The following EYA4 variants were observed in gnomAD, a reference collection of about 807,000 sequenced individuals.
EYA4 encodes the protein protein phosphatase EYA4.
Under a neutral mutation model 87.9 loss-of-function variants are expected in EYA4, and 31 were observed. The observed-to-expected ratio is 0.35, with a 90% confidence interval of 0.27 to 0.48. EYA4 has a LOEUF of 0.48. Among genes scored for constraint, EYA4 ranks in the 20% least tolerant of loss-of-function variants. The probability of loss-of-function intolerance (pLI) is 0.99; values close to 1 mark genes in which losing one functional copy is unlikely to be tolerated. For synonymous variants in EYA4, 263 were observed against 270.6 expected, an observed-to-expected ratio of 0.97 and a Z score of 0.28; for missense variants, 678 against 761.4, an observed-to-expected ratio of 0.89 and a Z score of 1.29.
rs761457292 is a variant in EYA4 at position 133,468,705 on chromosome 6, C to T, written c.944C>T (p.Ser315Phe). The T allele has an allele frequency of 1.2e-6, 2 of 1,613,082 alleles. No individual in the cohort carries two copies. Among genetic ancestry groups the T allele is most frequent in the Non-Finnish European group, 1.7e-6 (2 of 1,179,282 alleles). Residue 315 changes from serine to phenylalanine, a missense_variant, in exon 11 of 20, where the codon TCT (serine) becomes TTT (phenylalanine). Physicochemically the swap from Ser to Phe is radical, Grantham distance 155. Coordinates refer to ENST00000355286, the MANE Select transcript of EYA4 (RefSeq NM_004100.5). ...ACCTCTACTTATCAGTTGCAGGAAT[C>T]TCTCCCAGGACTGACTAACCAACCA... ...SSTSTYQLQE[S>F]LPGLTNQPGE...
chr6:133,420,199 A>G (rs1790096456), intron 3 of EYA4, among the ~76,000 whole-genome samples: 1 of 151,032 alleles, frequency 6.6e-6, no homozygotes, highest in Admixed American at 6.6e-5. Flanking sequence ...TTAATAGTGA[A>G]TATGCATTCA....
chr6:133,356,266 C>T (rs1430351658), intron 2 of EYA4, among the ~76,000 whole-genome samples: 3 of 152,038 alleles, frequency 2.0e-5, no homozygotes, highest in Admixed American at 2.0e-4. Context: ...GACATTCAGC[C>T]CATAACGAAC....
At chr6:133,254,742 G>T (rs138359125) in intron 1 of EYA4, among the ~76,000 whole-genome samples, 305 of 152,242 alleles carry the variant, frequency 2.0e-3, no homozygotes, top group African/African-American at 6.9e-3. Context: ...ATCAGCGTCA[G>T]ATGATCAGAT....
At chr6:133,381,963 A>C (rs1378681223) in intron 2 of EYA4, among the ~76,000 whole-genome samples, 1 of 152,230 alleles carries the variant, frequency 6.6e-6, no homozygotes, top group Non-Finnish European at 1.5e-5. Flanking sequence ...AATGAAAATT[A>C]GTGTATGAAC....
Position 133,468,664 on chromosome 6 carries a change from T to C in EYA4, c.903T>C (p.Asp301=). The change falls in exon 11 of 20, where the codon GAT becomes GAC. Residue 301 remains aspartate, a synonymous_variant. Coordinates refer to ENST00000355286, the MANE Select transcript of EYA4 (RefSeq NM_004100.5). The part of the protein sequence containing the change: ...GAYMTSNNTA[D]GTPSSTSTYQ... ...ATATGACATCGAATAACACAGCCGA[T>C]GGCACACCCTCTTCAACCTCTACTT... 1 of 1,613,126 alleles carries C rather than the reference T, an allele frequency of 6.2e-7. No homozygotes were observed. Among genetic ancestry groups the C allele is most frequent in the Non-Finnish European group, 8.5e-7 (1 of 1,179,316 alleles).
chr6:133,320,791 G>C (rs1781028898), intron 2 of EYA4, among the ~76,000 whole-genome samples: 1 of 152,016 alleles, frequency 6.6e-6, no homozygotes, highest in Non-Finnish European at 1.5e-5. Flanking sequence ...TTGATTTTCG[G>C]GGTTATTTCA....
chr6:133,319,916 G>A (rs1385921132), intron 2 of EYA4, among the ~76,000 whole-genome samples: 1 of 151,496 alleles, frequency 6.6e-6, no homozygotes, highest in Non-Finnish European at 1.5e-5. Context: ...ACAGAGTTTT[G>A]TAGCCCAGCT....
intron 1 of EYA4, among the ~76,000 whole-genome samples, chr6:133,257,916 T>C (rs185049654): frequency 6.6e-6 from 1 of 152,346 alleles, no homozygotes; most frequent in Admixed American, 6.5e-5. Context: ...CACTCATTCA[T>C]GCATTTTAAA....
At chr6:133,401,326 T>C (rs1434170099) in intron 3 of EYA4, among the ~76,000 whole-genome samples, 1 of 152,138 alleles carries the variant, frequency 6.6e-6, no homozygotes, top group Non-Finnish European at 1.5e-5. Flanking sequence ...AGAGCTGGTG[T>C]TCAACACGTC....
intron 2 of EYA4, among the ~76,000 whole-genome samples, chr6:133,370,138 GA>G (rs1317262726): frequency 6.6e-6 from 1 of 152,160 alleles, no homozygotes; most frequent in African/African-American, 2.4e-5. Context: ...AAACCTCTCA[GA>G]GCATTCTGTA....
chr6:133,250,340 G>A (rs1031026348), intron 1 of EYA4, among the ~76,000 whole-genome samples: 9 of 152,060 alleles, frequency 5.9e-5, no homozygotes, highest in Non-Finnish European at 4.4e-5. Context: ...AGCACAGTGA[G>A]TAAGTAGAAA....
At position 133,329,691 on chromosome 6, in the gene EYA4, G is replaced by A. The variant is rs539831335; in HGVS notation, c.34-52701G>A. On this transcript the variant is annotated intron_variant, in intron 2 of 19. Coordinates refer to ENST00000355286, the MANE Select transcript of EYA4 (RefSeq NM_004100.5). ...TCATACCAATAAAATGAAATATAAT[G>A]GTGCTTGGTGTTTCTCAAAAGGCCT... Among the ~76,000 whole-genome samples, 330 of 152,160 alleles carry A rather than the reference G, an allele frequency of 2.2e-3. 1 individual carries two copies. The highest frequency in any genetic ancestry group is 7.0e-3 in the African/African-American group (291 of 41,556).
At chr6:133,456,888 T>C (rs1327427304) in intron 6 of EYA4, among the ~76,000 whole-genome samples, 1 of 152,240 alleles carries the variant, frequency 6.6e-6, no homozygotes, top group Non-Finnish European at 1.5e-5. Context: ...TTTCTTATTA[T>C]GGATAAGTAA....
chr6:133,466,733 A>T (rs546348191), intron 10 of EYA4, among the ~76,000 whole-genome samples: 1 of 151,844 alleles, frequency 6.6e-6, no homozygotes, highest in Non-Finnish European at 1.5e-5. Flanking sequence ...AGAGTGTACC[A>T]AATCCCCAAT....
At chr6:133,304,016 A>G (rs1167555400) in intron 2 of EYA4, among the ~76,000 whole-genome samples, 1 of 152,194 alleles carries the variant, frequency 6.6e-6, no homozygotes. Context: ...AGTGCTTCAC[A>G]TGCAGAAGGT....
At chr6:133,280,691 G>A (rs776004017) in intron 2 of EYA4, among the ~76,000 whole-genome samples, 8 of 152,044 alleles carry the variant, frequency 5.3e-5, no homozygotes, top group Non-Finnish European at 8.8e-5. Flanking sequence ...CACCGCGCCC[G>A]GCCAATAGTA....
rs1170264132 is a variant in EYA4 at position 133,523,193 on chromosome 6, T to C, written c.1738+16T>C. ...ACTAAAATAGGTAAGGAAATTATTT[T>C]AAACTCTGTATGGAATGTGTCCACA... On this transcript the variant is annotated intron_variant, in intron 18 of 19. Transcript: ENST00000355286. 1 of 1,610,314 alleles carries C rather than the reference T, an allele frequency of 6.2e-7. No individual in the cohort carries two copies. The highest frequency in any genetic ancestry group is 8.5e-7 in the Non-Finnish European group (1 of 1,177,256).
rs1032386848 is a variant in EYA4 at position 133,530,379 on chromosome 6, G to A, written c.*1574G>A. The A allele has an allele frequency of 3.0e-6, 3 of 985,264 alleles. No individual in the cohort carries two copies. Among genetic ancestry groups the A allele is most frequent in the Admixed American group, 6.2e-5 (1 of 16,260 alleles). 61.0% of individuals were successfully genotyped at this position (985,264 alleles called of 1,614,324 possible). On this transcript the variant is annotated 3_prime_UTR_variant, in exon 20 of 20. Coordinates refer to ENST00000355286, the MANE Select transcript of EYA4 (RefSeq NM_004100.5). ...TAGCCCATGTTGGGAACACGATACAGGTTCTCCTCTTATTTCCTATGACAC... is the reference window on the plus strand; with the variant it reads ...TAGCCCATGTTGGGAACACGATACAAGTTCTCCTCTTATTTCCTATGACAC...
At chr6:133,322,281 A>G (rs1323324606) in intron 2 of EYA4, among the ~76,000 whole-genome samples, 1 of 152,234 alleles carries the variant, frequency 6.6e-6, no homozygotes, top group African/African-American at 2.4e-5. Flanking sequence ...AGCCAGAGCT[A>G]TTATAGGAAT....
Sources: gnomAD v4.1 joint callset for allele counts (sites outside exome capture counted in the v4.1 genomes callset) on GRCh38, gnomAD v4.1.1 for gene constraint, MANE v1.5 for transcripts, NCBI Gene and HGNC (gene_info 2026-07-23, HGNC 2026-07-21) for gene names.